The following MROH7 variants were observed in gnomAD, a reference collection of about 807,000 sequenced individuals.
The protein encoded by MROH7 is maestro heat like repeat family member 7.
Under a neutral mutation model 129.2 loss-of-function variants are expected in MROH7, and 113 were observed. The ratio of observed to expected loss-of-function variants is 0.87; its 90% CI spans 0.75 to 1.02. The LOEUF (loss-of-function observed/expected upper bound fraction) is 1.02. Ranked by LOEUF, MROH7 falls within the 50% of genes least tolerant of loss-of-function variation. The probability of loss-of-function intolerance (pLI) is 0.00; values close to 1 mark genes in which losing one functional copy is unlikely to be tolerated. For synonymous variants in MROH7, 655 were observed against 667.9 expected (o/e 0.98, Z 0.30); for missense variants, 1,601 against 1,671.3 (o/e 0.96, Z 0.73).
intron 1 of MROH7, among the ~76,000 whole-genome samples, chr1:54,650,428 A>T (rs147155005): frequency 2.7e-4 from 41 of 152,342 alleles, no homozygotes; most frequent in African/African-American, 9.9e-4. Context: ...TGAAGAAGTG[A>T]TGAAATGAGT....
At chr1:54,688,733 A>T (rs991531588) in intron 15 of MROH7, among the ~76,000 whole-genome samples, 2 of 152,190 alleles carry the variant, frequency 1.3e-5, no homozygotes, top group Admixed American at 6.5e-5. Flanking sequence ...CCTCCTGCTC[A>T]TGCTCGTAGG....
intron 7 of MROH7, 47 bp downstream of exon 7, chr1:54,670,976 TG>T (rs1329729030): frequency 6.5e-7 from 1 of 1,542,206 alleles, no homozygotes; most frequent in Non-Finnish European, 8.7e-7. Flanking sequence ...GCCCATGTTC[TG>T]GGAGGAGATA....
chr1:54,659,784 T>C (rs1401975228), intron 3 of MROH7, among the ~76,000 whole-genome samples: 1 of 152,192 alleles, frequency 6.6e-6, no homozygotes, highest in Non-Finnish European at 1.5e-5. Flanking sequence ...GCTTCTTTAG[T>C]GCAACATTAT....
At chr1:54,654,339 G>A (rs749838998) in intron 3 of MROH7, among the ~76,000 whole-genome samples, 182 bp downstream of exon 3, 1 of 152,224 alleles carries the variant, frequency 6.6e-6, no homozygotes, top group Non-Finnish European at 1.5e-5. Flanking sequence ...CCTGGGACAA[G>A]CTAATTAATC....
At position 54,670,902 on chromosome 1, in the gene MROH7, G is replaced by T. The variant is rs778535173; in HGVS notation, c.1572G>T (p.Lys524Asn). Reference sequence around the variant, plus strand: ...CCTCCGTGCAGGCGATGCAGGAGAAGGACGAGGCCAAGGCTGAGACCATCC... The same window carrying T: ...CCTCCGTGCAGGCGATGCAGGAGAATGACGAGGCCAAGGCTGAGACCATCC... ...SLPSVQAMQEKDEAKAETIQA... is the reference protein window; with the variant it reads ...SLPSVQAMQENDEAKAETIQA... The change falls in exon 7 of 24, where the codon AAG becomes AAT. Residue 524 changes from lysine to asparagine, a missense_variant. By Grantham distance (94) the Lys-to-Asn change is moderately conservative. Coordinates refer to ENST00000421030, the MANE Select transcript of MROH7 (RefSeq NM_001039464.4). 6.8e-6 allele frequency: 11 copies of T among 1,609,566 alleles called. No individual in the cohort carries two copies. Among genetic ancestry groups the T allele is most frequent in the Non-Finnish European group, 8.5e-6 (10 of 1,178,248 alleles).
intron 13 of MROH7, among the ~76,000 whole-genome samples, chr1:54,681,336 G>A (rs1645066326): frequency 6.6e-6 from 1 of 152,164 alleles, no homozygotes; most frequent in Admixed American, 6.5e-5. Flanking sequence ...AATGGCACAG[G>A]CCTCACAGAG....
intron 14 of MROH7, 114 bp downstream of exon 14, chr1:54,682,908 G>C: frequency 1.6e-6 from 2 of 1,221,144 alleles, no homozygotes; most frequent in South Asian, 3.0e-5. Context: ...CCAGTAACTA[G>C]TTGTGTGGTC....
At chr1:54,672,623 A>G (rs1644919347) in intron 7 of MROH7, among the ~76,000 whole-genome samples, 1 of 152,184 alleles carries the variant, frequency 6.6e-6, no homozygotes, top group Non-Finnish European at 1.5e-5. Flanking sequence ...TGATGAAAGT[A>G]AGATTGGCTC....
In MROH7 at chr1:54,653,451, A is replaced by T; in HGVS notation, c.525A>T (p.Leu175Phe). 2.5e-6 allele frequency: 4 copies of T among 1,614,180 alleles called. No individual in the cohort carries two copies. The highest frequency in any genetic ancestry group is 3.4e-6 in the Non-Finnish European group (4 of 1,180,034). The change falls in exon 3 of 24, where the codon TTA (leucine) becomes TTT (phenylalanine). Residue 175 changes from leucine to phenylalanine, a missense_variant. Physicochemically the swap from Leu to Phe is conservative, Grantham distance 22 (BLOSUM62 0). Coordinates refer to ENST00000421030, the MANE Select transcript of MROH7 (RefSeq NM_001039464.4). Reference sequence around the variant, plus strand: ...ACTCCAACCCTTCTAGGCATGAATTAAACCCATTTATAAGGCACCATTCCA... The same window carrying T: ...ACTCCAACCCTTCTAGGCATGAATTTAACCCATTTATAAGGCACCATTCCA... ...QRNSNPSRHE[L>F]NPFIRHHSRE...
Position 54,695,448 on chromosome 1 carries a change from C to T in MROH7, c.2922C>T (p.Gly974=), listed in dbSNP as rs72907950. The change falls in exon 17 of 24, where the codon GGC becomes GGT. Residue 974 remains glycine (G), a synonymous_variant. Transcript: ENST00000421030. ...TGCTCATCCCGCTCCTGGAGCGAGG[C>T]GACGAGAAGCACAGGATCACGGCCA... ...LYLLIPLLER[G]DEKHRITATA... is the part of the protein sequence containing the mutation. 2.8e-3 allele frequency: 4,560 copies of T among 1,613,882 alleles called. 109 individuals carry two copies. In the African/African-American group the frequency reaches 0.054, roughly 19 times the overall value.
chr1:54,659,492 T>A (rs1644699655), intron 3 of MROH7, among the ~76,000 whole-genome samples: 1 of 151,648 alleles, frequency 6.6e-6, no homozygotes, highest in Non-Finnish European at 1.5e-5. Flanking sequence ...TTCACTCTTG[T>A]TGCCCAGGCT....
intron 15 of MROH7, among the ~76,000 whole-genome samples, chr1:54,691,803 AGTGTGTG>A (rs1243282211): frequency 1.9e-4 from 20 of 104,188 alleles, no homozygotes; most frequent in African/African-American, 3.9e-4. Flanking sequence ...AAAAAAAAAA[AGTGTGTG>A]TGTGTGTGTG....
At position 54,663,185 on chromosome 1, in the gene MROH7, C is replaced by T. The variant is rs141866560; in HGVS notation, c.1232-1982C>T. Among the ~76,000 whole-genome samples, 1,198 of 151,956 alleles carry T rather than the reference C, an allele frequency of 7.9e-3. 18 individuals are homozygous for T. Among genetic ancestry groups the T allele is most frequent in the African/African-American group, 0.027 (1,136 of 41,380 alleles). On this transcript the variant is annotated intron_variant, in intron 3 of 23. Coordinates refer to ENST00000421030, the MANE Select transcript of MROH7 (RefSeq NM_001039464.4). ...AATATCCCATTCCTCATCAAACTTT[C>T]CATTTATTTATTTATTTATTTATTT... is the stretch of plus-strand genomic sequence containing the variant.
At chr1:54,701,427 G>A (rs1645434702) in intron 19 of MROH7, 105 bp downstream of exon 19, 1 of 1,031,498 alleles carries the variant, frequency 9.7e-7, no homozygotes, top group Non-Finnish European at 1.4e-6. Context: ...CCTGGGCAGT[G>A]TTGGGTCAGC....
At chr1:54,650,410 A>G (rs1318399285) in intron 1 of MROH7, among the ~76,000 whole-genome samples, 1 of 152,244 alleles carries the variant, frequency 6.6e-6, no homozygotes, top group Non-Finnish European at 1.5e-5. Flanking sequence ...ACATGAATGA[A>G]TGATAAATGA....
intron 17 of MROH7, chr1:54,698,986 G>T (rs1431921681): frequency 6.6e-6 from 1 of 151,990 alleles, no homozygotes; most frequent in Non-Finnish European, 1.5e-5. Context: ...TAGAGATGGG[G>T]TTTCCCCATG....
intron 13 of MROH7, among the ~76,000 whole-genome samples, chr1:54,680,948 GT>G (rs908469735): frequency 1.1e-4 from 17 of 149,712 alleles, no homozygotes; most frequent in South Asian, 4.3e-4. Flanking sequence ...CCCCACCAGG[GT>G]TTTTTTTTTC....
rs946578505 is a variant in MROH7 at position 54,706,656 on chromosome 1, G to T, written c.3667+119G>T. Reference sequence around the variant, plus strand: ...GGGGATGCTTCCCTTTGGGTGCAAGGCTTGGCCACCAGACAGCCATGGTGA... The same window carrying T: ...GGGGATGCTTCCCTTTGGGTGCAAGTCTTGGCCACCAGACAGCCATGGTGA... On this transcript the variant is annotated intron_variant, in intron 22 of 23. Transcript: ENST00000421030. 18 of 714,750 alleles carry T rather than the reference G, an allele frequency of 2.5e-5. No homozygotes were observed. In the African/African-American group the frequency reaches 3.0e-4, roughly 12 times the overall value. 44.3% of individuals were successfully genotyped at this position (714,750 alleles called of 1,614,324 possible). A position where few individuals can be genotyped will look rare whatever the true frequency, so the allele number is the denominator to read the frequency against.
chr1:54,658,095 T>G (rs189720215), intron 3 of MROH7, among the ~76,000 whole-genome samples: 2 of 152,282 alleles, frequency 1.3e-5, no homozygotes, highest in East Asian at 3.9e-4. Flanking sequence ...AACAATAGCT[T>G]CCCATTTTCC....
Sources: gnomAD v4.1 joint callset for allele counts (sites outside exome capture counted in the v4.1 genomes callset) on GRCh38, gnomAD v4.1.1 for gene constraint, MANE v1.5 for transcripts, NCBI Gene and HGNC (gene_info 2026-07-23, HGNC 2026-07-21) for gene names.